VSIG10: variants seen among roughly 807,000 people sequenced by gnomAD.
VSIG10 encodes the protein V-set and immunoglobulin domain-containing protein 10.
A neutral mutation model predicts 58.7 loss-of-function variants in VSIG10; 48 were observed. The observed-to-expected ratio is 0.82, with a 90% CI of 0.65 to 1.04. The LOEUF (loss-of-function observed/expected upper bound fraction) is 1.04. Ranked by LOEUF, VSIG10 falls within the 50% of genes least tolerant of loss-of-function variation. The pLI, the probability that VSIG10 is intolerant of heterozygous loss-of-function variation, is 0.00. For missense variants in VSIG10, 628 were observed against 670.0 expected (o/e 0.94, Z 0.69); for synonymous variants, 260 against 267.1 (o/e 0.97, Z 0.26).
intron 7 of VSIG10, among the ~76,000 whole-genome samples, chr12:118,070,328 A>G (rs1281498160): frequency 6.6e-6 from 1 of 152,110 alleles, no homozygotes; most frequent in Non-Finnish European, 1.5e-5. Context: ...CGGGCAGACC[A>G]CTTGAGGCCA....
chr12:118,101,443 C>G (rs1282951785), intron 1 of VSIG10, among the ~76,000 whole-genome samples: 2 of 152,142 alleles, frequency 1.3e-5, no homozygotes, highest in East Asian at 1.9e-4. Flanking sequence ...CTGCACCAGA[C>G]AGGATGCAAT....
At chr12:118,091,230 C>T (rs1456581993) in intron 2 of VSIG10, among the ~76,000 whole-genome samples, 2 of 152,136 alleles carry the variant, frequency 1.3e-5, no homozygotes, top group African/African-American at 4.8e-5. Flanking sequence ...CGGTGGCTCA[C>T]GCCTGTAATC....
chr12:118,073,688 C>A lies in VSIG10; in HGVS notation c.1219+11G>T. 1 of 1,594,186 alleles carries A rather than the reference C, an allele frequency of 6.3e-7. No individual in the cohort carries two copies. The highest frequency in any genetic ancestry group is 1.1e-5 in the South Asian group (1 of 88,394). ...AACCCTCCCTCCTTCAGGCCCAGTT[C>A]CACCACTCACCTTTCACACTCAGCC... is the stretch of plus-strand genomic sequence containing the variant. On this transcript the variant is annotated intron_variant, in intron 5 of 8. Coordinates refer to ENST00000359236, the MANE Select transcript of VSIG10 (RefSeq NM_019086.6).
In VSIG10 at chr12:118,073,973, A is replaced by C; in HGVS notation, c.945T>G (p.Ser315=). Residue 315 remains serine, a synonymous_variant, in exon 5 of 9, where the codon TCT becomes TCG. Coordinates refer to ENST00000359236, the MANE Select transcript of VSIG10 (RefSeq NM_019086.6). ...CAGTGAAGCAAGTCTTCATGGGCTC[A>C]GAGAGAAGGGAGGGACCCCCTGGTG... ...MVQIRGPSLL[S]EPMKTCFTGG... is the part of the protein sequence containing the mutation. 3.8e-6 allele frequency: 6 copies of C among 1,577,612 alleles called. No homozygotes were observed. Among genetic ancestry groups the C allele is most frequent in the Non-Finnish European group, 5.2e-6 (6 of 1,159,946 alleles).
At chr12:118,075,237 T>G (rs1208288856) in intron 4 of VSIG10, among the ~76,000 whole-genome samples, 6 of 151,642 alleles carry the variant, frequency 4.0e-5, no homozygotes, top group Non-Finnish European at 1.5e-5. Context: ...TATATATATA[T>G]AGGGTTCAGT....
At position 118,073,842 on chromosome 12, in the gene VSIG10, C is replaced by T. The variant is rs761362668; in HGVS notation, c.1076G>A (p.Ser359Asn). Residue 359 changes from serine (S) to asparagine (N), a missense_variant, in exon 5 of 9, where the codon AGC becomes AAC. Physicochemically the swap from Ser to Asn is conservative, Grantham distance 46. Coordinates refer to ENST00000359236, the MANE Select transcript of VSIG10 (RefSeq NM_019086.6). ...GCCATCCTGGGTAATGAGATGGCGGCTGCTAGGCTGGATGATCACCTCGGG... is the reference window on the plus strand; with the variant it reads ...GCCATCCTGGGTAATGAGATGGCGGTTGCTAGGCTGGATGATCACCTCGGG... The part of the protein sequence containing the change: ...TQPEVIIQPS[S>N]RHLITQDGQN... The T allele has an allele frequency of 6.2e-6, 10 of 1,613,892 alleles. No individual in the cohort carries two copies. Among genetic ancestry groups the T allele is most frequent in the Non-Finnish European group, 5.1e-6 (6 of 1,179,824 alleles).
intron 2 of VSIG10, among the ~76,000 whole-genome samples, chr12:118,084,509 A>T (rs2033060170): frequency 6.6e-6 from 1 of 152,016 alleles, no homozygotes; most frequent in Admixed American, 6.6e-5. Flanking sequence ...CTTTCTCTTG[A>T]TCTCCCTAGT....
In VSIG10 at chr12:118,068,587, T is replaced by G; in HGVS notation, c.1357A>C (p.Met453Leu). 2 of 1,556,334 alleles carry G rather than the reference T, an allele frequency of 1.3e-6. No homozygotes were observed. The highest frequency in any genetic ancestry group is 1.7e-6 in the Non-Finnish European group (2 of 1,149,420). Residue 453 changes from methionine (M) to leucine (L), a missense_variant, in exon 8 of 9, where the codon ATG (methionine) becomes CTG (leucine). Transcript: ENST00000359236. ...KVGNTSRGQN[M>L]DDVMVLVDSE... is the part of the protein sequence containing the mutation. Reference sequence around the variant, plus strand: ...TCCACCAAAACCATGACATCATCCATGTTTTGTCCCCTAATTTCCAAAGGG... The same window carrying G: ...TCCACCAAAACCATGACATCATCCAGGTTTTGTCCCCTAATTTCCAAAGGG...
chr12:118,084,815 C>A (rs1014515020), intron 2 of VSIG10, among the ~76,000 whole-genome samples: 1 of 152,114 alleles, frequency 6.6e-6, no homozygotes, highest in South Asian at 2.1e-4. Context: ...GTCAGGAGAT[C>A]GAGACCATCC....
intron 7 of VSIG10, among the ~76,000 whole-genome samples, chr12:118,069,692 G>A (rs890893770): frequency 2.0e-5 from 3 of 152,148 alleles, no homozygotes; most frequent in African/African-American, 7.2e-5. Context: ...CTCCCAAAGT[G>A]CTGGGATTAC....
intron 3 of VSIG10, among the ~76,000 whole-genome samples, chr12:118,079,835 T>C (rs1220492462): frequency 6.6e-6 from 1 of 151,434 alleles, no homozygotes; most frequent in East Asian, 1.9e-4. Flanking sequence ...CTTTCTTTCT[T>C]TCTTTCTTTG....
intron 4 of VSIG10, among the ~76,000 whole-genome samples, chr12:118,077,343 G>A (rs772136246): frequency 1.3e-5 from 2 of 152,024 alleles, no homozygotes; most frequent in Non-Finnish European, 2.9e-5. Flanking sequence ...AGACCTCCCT[G>A]CCACCCTAGG....
intron 2 of VSIG10, 115 bp from the exon 3 acceptor site, chr12:118,082,544 A>G (rs926734734): frequency 9.5e-6 from 10 of 1,049,908 alleles, no homozygotes; most frequent in Admixed American, 2.7e-5. Flanking sequence ...TATGGTATCT[A>G]TCTAATACTA....
At chr12:118,087,077 G>GAAAA (rs112904270) in intron 2 of VSIG10, among the ~76,000 whole-genome samples, 1 of 104,096 alleles carries the variant, frequency 9.6e-6, no homozygotes. Context: ...TTTAAAAATT[G>GAAAA]AAAAAAAAAA....
chr12:118,100,227 G>A (rs755334403), intron 1 of VSIG10, among the ~76,000 whole-genome samples: 22 of 152,240 alleles, frequency 1.4e-4, no homozygotes, highest in Admixed American at 2.0e-4. Context: ...CTGAATGGCC[G>A]GGCGTGGTGG....
intron 4 of VSIG10, among the ~76,000 whole-genome samples, chr12:118,075,134 ATGTATATATG>A (rs1264169401): frequency 2.1e-5 from 3 of 141,180 alleles, no homozygotes; most frequent in African/African-American, 8.1e-5. Context: ...ATGTGTATAT[ATGTATATATG>A]TGTATATGTA....
At chr12:118,081,704 G>A (rs992376447) in intron 3 of VSIG10, among the ~76,000 whole-genome samples, 8 of 152,142 alleles carry the variant, frequency 5.3e-5, no homozygotes, top group African/African-American at 9.7e-5. Flanking sequence ...GAAGAATCAT[G>A]CAGCAGGCAC....
In VSIG10 at chr12:118,068,602, T is replaced by C; in HGVS notation, c.1347-5A>G. On this transcript the variant is annotated splice_region_variant and splice_polypyrimidine_tract_variant and intron_variant, in intron 7 of 8. Transcript: ENST00000359236. ...ACATCATCCATGTTTTGTCCCCTAATTTCCAAAGGGGAAAAATAATCAAGA... is the reference window on the plus strand; with the variant it reads ...ACATCATCCATGTTTTGTCCCCTAACTTCCAAAGGGGAAAAATAATCAAGA... The C allele has an allele frequency of 6.5e-7, 1 of 1,535,292 alleles. No individual in the cohort carries two copies. Among genetic ancestry groups the C allele is most frequent in the African/African-American group, 1.4e-5 (1 of 72,628 alleles).
At chr12:118,095,920 GTTCTT>G in intron 1 of VSIG10, 106 bp from the exon 2 acceptor site, 1 of 749,470 alleles carries the variant, frequency 1.3e-6, no homozygotes, top group Non-Finnish European at 1.9e-6. Flanking sequence ...TCAGGTATAT[GTTCTT>G]TTTTTTTTTT....
Sources: gnomAD v4.1 joint callset for allele counts (sites outside exome capture counted in the v4.1 genomes callset) on GRCh38, gnomAD v4.1.1 for gene constraint, MANE v1.5 for transcripts, NCBI Gene and HGNC (gene_info 2026-07-23, HGNC 2026-07-21) for gene names.